The following COL6A5 variants were observed in gnomAD, a reference collection of about 807,000 sequenced individuals.
COL6A5 encodes collagen type VI alpha 5 chain, also known as collagen alpha-5(VI) chain.
Under a neutral mutation model 65.6 loss-of-function variants are expected in COL6A5, and 48 were observed. That is an observed-to-expected ratio of 0.73 (90% confidence interval 0.58 to 0.93). COL6A5 has a LOEUF of 0.93. Among genes scored for constraint, COL6A5 ranks in the 40% least tolerant of loss-of-function variants. COL6A5 has a pLI of 0.00. For missense variants in COL6A5, 914 were observed against 928.3 expected (o/e 0.98, Z 0.20); for synonymous variants, 291 against 322.8 (o/e 0.90, Z 1.05).
intron 7 of COL6A5, chr3:130,477,309 C>A: frequency 2.3e-6 from 1 of 425,646 alleles, no homozygotes. Context: ...ATCTATTTGA[C>A]AATTAAAAAT....
At chr3:130,418,920 C>T (rs1390805560) in exon 25 of COL6A5, 25 of 1,550,514 alleles carry the variant, frequency 1.6e-5, no homozygotes, top group Middle Eastern at 1.7e-4. Context: ...AACTGGGCAG[C>T]GAGGAAGACA....
At chr3:130,431,579 TTAACATCAGGGAAAA>T in exon 1 of COL6A5, 1 of 1,551,632 alleles carries the variant, frequency 6.4e-7, no homozygotes, top group Non-Finnish European at 8.7e-7. Flanking sequence ...GTCAATGACC[TTAACATCAGGGAAAA>T]TAACTGTCCT....
chr3:130,410,411 C>T (rs2107673827), intron 19 of COL6A5, 60 bp from the exon 20 acceptor site: 1 of 1,222,772 alleles, frequency 8.2e-7, no homozygotes, highest in African/African-American at 1.5e-5. Flanking sequence ...GATGCTGATG[C>T]CTTTGTGATT....
chr3:130,391,199 C>T, exon 7 of COL6A5: 2 of 1,551,034 alleles, frequency 1.3e-6, no homozygotes, highest in Non-Finnish European at 1.7e-6. Flanking sequence ...GATTACACTA[C>T]TAGACGTTGT....
chr3:130,443,467 TC>T lies in COL6A5; in HGVS notation c.1242-8del, dbSNP rs1347651076. 4.4e-6 allele frequency: 7 copies of T among 1,588,390 alleles called. No homozygotes were observed. The Admixed American group carries it at 1.0e-4, about 23-fold the overall frequency. The stretch of plus-strand genomic sequence containing the variant: ...TTAAAATCTAACTATAACTTTGTTC[TC>T]TCAATAGGGGGATTCAATCAGTACC... On this transcript the variant is annotated splice_polypyrimidine_tract_variant and splice_region_variant and intron_variant, in intron 3 of 7. Transcript: ENST00000512836.
rs568222326 is a variant in COL6A5 at position 130,391,765 on chromosome 3, A to G, written c.2992+11A>G. On this transcript the variant is annotated intron_variant and NMD_transcript_variant, in intron 7 of 41. Coordinates refer to the COL6A5 transcript ENST00000312481. ...CTGAAGCACCAGAGGGTAAGTTGTT[A>G]CTTTTAAAGTTTCTATGGGGGTAGC... 1,442 of 1,527,616 alleles carry G rather than the reference A, an allele frequency of 9.4e-4. 2 individuals carry two copies. Among genetic ancestry groups the G allele is most frequent in the Non-Finnish European group, 1.2e-3 (1,351 of 1,135,808 alleles). 94.6% of individuals were successfully genotyped at this position (1,527,616 alleles called of 1,614,324 possible).
chr3:130,395,473 C>T lies in COL6A5; in HGVS notation c.3568+8C>T. 1.3e-6 allele frequency: 2 copies of T among 1,527,806 alleles called. No homozygotes were observed. The highest frequency in any genetic ancestry group is 1.8e-6 in the Non-Finnish European group (2 of 1,139,446). 94.6% of individuals were successfully genotyped at this position (1,527,806 alleles called of 1,614,324 possible). A position where few individuals can be genotyped will look rare whatever the true frequency, so the allele number is the denominator to read the frequency against. The stretch of plus-strand genomic sequence containing the variant: ...AGAGCTGTGGGAAAACCAGTAAGTG[C>T]TTCTTGTTTGGTTTTCTTCCATGGA... On this transcript the variant is annotated splice_region_variant and intron_variant and NMD_transcript_variant, in intron 8 of 41. Transcript: ENST00000312481.
intron 5 of COL6A5, among the ~76,000 whole-genome samples, chr3:130,459,202 G>A (rs927564659): frequency 6.6e-6 from 1 of 152,080 alleles, no homozygotes; most frequent in African/African-American, 2.4e-5. Context: ...TCGTTTCAAT[G>A]AGCTCATTAA....
At chr3:130,451,033 T>C (rs921044272) in intron 4 of COL6A5, among the ~76,000 whole-genome samples, 1 of 152,102 alleles carries the variant, frequency 6.6e-6, no homozygotes, top group African/African-American at 2.4e-5. Flanking sequence ...CTAAAGGAAG[T>C]AAAGTGACCT....
rs770531064 is a variant in COL6A5 at position 130,405,999 on chromosome 3, A to G, written c.4360A>G (p.Lys1454Glu). 4.1e-5 allele frequency: 63 copies of G among 1,551,494 alleles called. 1 individual carries two copies. In the Middle Eastern group the frequency reaches 5.0e-4, roughly 12 times the overall value. The change falls in exon 15 of 42, where the codon AAA becomes GAA. Residue 1454 changes from lysine (K) to glutamate (E), a missense_variant and NMD_transcript_variant. By Grantham distance (56) the Lys-to-Glu change is moderately conservative. Coordinates refer to the COL6A5 transcript ENST00000312481. ...GATATTTCATCTTTTGCAGGGACTC[A>G]AAGGATTTTCTGGACCTAAGGTACT...
At chr3:130,431,303 C>A, upstream of COL6A5, 2 of 806,878 alleles carry the variant, frequency 2.5e-6, no homozygotes, top group Non-Finnish European at 4.2e-6. Flanking sequence ...AGTTTGCAGG[C>A]CAGATTTCTT....
upstream of COL6A5, among the ~76,000 whole-genome samples, chr3:130,427,747 T>G (rs1162115131): frequency 6.6e-6 from 1 of 150,498 alleles, no homozygotes; most frequent in Non-Finnish European, 1.5e-5. Flanking sequence ...TCTCAAGGAG[T>G]TTCTGTTTCT....
intron 1 of COL6A5, among the ~76,000 whole-genome samples, chr3:130,362,303 TATATATATATATATATATATATA>T: frequency 1.2e-3 from 2 of 1,640 alleles, no homozygotes; most frequent in Admixed American, 6.4e-3. Flanking sequence ...TATATATATA[TATATATATATATATATATATATA>T]TTTTTTTTTT....
rs41467244 is a variant in COL6A5, at chr3:130,443,121, G to A, written c.1242-355G>A. Among the ~76,000 whole-genome samples, 1,454 of 152,222 alleles carry A rather than the reference G, an allele frequency of 9.6e-3. 27 individuals are homozygous for A. The highest frequency in any genetic ancestry group is 0.033 in the African/African-American group (1,360 of 41,544). On this transcript the variant is annotated intron_variant, in intron 3 of 7. Coordinates refer to ENST00000512836, the Ensembl canonical transcript of COL6A5. ...ACATTACCTTGTCTCTGTTTGATCC[G>A]TTAGCGTAAGTCTGGGTGAAAAACC... is the stretch of plus-strand genomic sequence containing the variant.
chr3:130,457,669 T>C (rs1210154133), intron 5 of COL6A5, among the ~76,000 whole-genome samples: 2 of 152,148 alleles, frequency 1.3e-5, no homozygotes, highest in African/African-American at 2.4e-5. Context: ...GGATAATGTG[T>C]ATTTTTTAAT....
intron 1 of COL6A5, among the ~76,000 whole-genome samples, chr3:130,358,143 T>G (rs1359434099): frequency 6.6e-6 from 1 of 151,882 alleles, no homozygotes; most frequent in Non-Finnish European, 1.5e-5. Context: ...GAGCCGAGAT[T>G]GCACCACTGC....
intron 1 of COL6A5, among the ~76,000 whole-genome samples, chr3:130,367,265 C>G (rs142708012): frequency 3.9e-5 from 6 of 152,288 alleles, no homozygotes; most frequent in African/African-American, 7.2e-5. Flanking sequence ...AAAAGAAGAA[C>G]TTGAGAAACA....
chr3:130,420,847 G>T (rs1937503936), intron 25 of COL6A5, among the ~76,000 whole-genome samples: 1 of 152,020 alleles, frequency 6.6e-6, no homozygotes, highest in Non-Finnish European at 1.5e-5. Context: ...TTTCTCACCT[G>T]TGTTGTTTGG....
At chr3:130,431,892 G>C in exon 1 of COL6A5, 1 of 1,551,546 alleles carries the variant, frequency 6.4e-7, no homozygotes, top group African/African-American at 1.4e-5. Flanking sequence ...TTAGTGCCCT[G>C]GATATCAGTC....
Sources: allele counts gnomAD v4.1 joint callset (sites outside exome capture counted in the v4.1 genomes callset), GRCh38; gene constraint gnomAD v4.1.1; transcripts MANE v1.5; gene names NCBI Gene and HGNC (gene_info 2026-07-23, HGNC 2026-07-21).